The following ELOVL2 variants were observed in gnomAD, a reference collection of about 807,000 sequenced individuals.
ELOVL2 encodes very long chain fatty acid elongase 2.
ELOVL2 carries 38 observed loss-of-function variants against 37.7 expected under a neutral mutation model. The observed-to-expected ratio is 1.01, with a 90% CI of 0.78 to 1.32. ELOVL2 has a LOEUF of 1.32. Ranked by LOEUF, ELOVL2 falls within the 40% of genes most tolerant of loss-of-function variation. The probability of loss-of-function intolerance (pLI) is 0.00; values close to 1 mark genes in which losing one functional copy is unlikely to be tolerated. For synonymous variants in ELOVL2, 115 were observed against 122.3 expected, an observed-to-expected ratio of 0.94 and a Z score of 0.40; for missense variants, 352 against 363.6, an observed-to-expected ratio of 0.97 and a Z score of 0.26.
intron 7 of ELOVL2, among the ~76,000 whole-genome samples, chr6:10,984,214 C>T (rs1781998373): frequency 6.6e-6 from 1 of 152,112 alleles, no homozygotes. Context: ...GATGGGGTTT[C>T]ACCATGTTGC....
chr6:10,994,481 A>AG (rs1244064382), intron 5 of ELOVL2, among the ~76,000 whole-genome samples: 3 of 133,270 alleles, frequency 2.3e-5, no homozygotes, highest in African/African-American at 2.9e-5. Context: ...AAAAAAAAAA[A>AG]AAGAACAAAT....
intron 1 of ELOVL2, among the ~76,000 whole-genome samples, chr6:11,026,740 G>A (rs1782843413): frequency 6.6e-6 from 1 of 152,178 alleles, no homozygotes; most frequent in African/African-American, 2.4e-5. Flanking sequence ...TGCAGCATAT[G>A]GAATAGAATA....
intron 3 of ELOVL2, among the ~76,000 whole-genome samples, chr6:11,003,919 T>TAA (rs1182943453): frequency 7.1e-6 from 1 of 141,392 alleles, no homozygotes; most frequent in Non-Finnish European, 1.6e-5. Context: ...CCATCTCTAC[T>TAA]AAAAAAAAAA....
intron 3 of ELOVL2, among the ~76,000 whole-genome samples, chr6:11,000,693 TGATTA>T (rs1264983464): frequency 2.0e-5 from 3 of 152,230 alleles, no homozygotes; most frequent in African/African-American, 7.2e-5. Flanking sequence ...GGTGGTTAAT[TGATTA>T]ATGTCTGTCT....
At chr6:11,025,398 G>A (rs1235595670) in intron 1 of ELOVL2, among the ~76,000 whole-genome samples, 1 of 152,084 alleles carries the variant, frequency 6.6e-6, no homozygotes, top group African/African-American at 2.4e-5. Context: ...GAAATGAACT[G>A]GGCAGACAGA....
chr6:11,019,449 T>C (rs887620007), intron 1 of ELOVL2, among the ~76,000 whole-genome samples: 3 of 152,246 alleles, frequency 2.0e-5, no homozygotes, highest in African/African-American at 7.2e-5. Context: ...AATGCTTTCC[T>C]GTAAGAAAGA....
intron 7 of ELOVL2, among the ~76,000 whole-genome samples, chr6:10,984,710 A>G (rs1434927622): frequency 6.6e-6 from 1 of 151,046 alleles, no homozygotes; most frequent in Non-Finnish European, 1.5e-5. Context: ...TTATGGCTGC[A>G]TAGTATTCCA....
intron 1 of ELOVL2, among the ~76,000 whole-genome samples, chr6:11,025,695 T>C (rs1195699908): frequency 6.6e-6 from 1 of 152,190 alleles, no homozygotes; most frequent in Non-Finnish European, 1.5e-5. Flanking sequence ...AAAAAGTTTA[T>C]GGATCAATGT....
chr6:11,034,873 T>A (rs1782983973), intron 1 of ELOVL2, among the ~76,000 whole-genome samples: 1 of 147,540 alleles, frequency 6.8e-6, no homozygotes. Context: ...CGTGGTGGCA[T>A]GCGCCTGTAA....
At chr6:11,029,223 C>CAAAAAAAAAAAAA (rs376639413) in intron 1 of ELOVL2, among the ~76,000 whole-genome samples, 12 of 75,784 alleles carry the variant, frequency 1.6e-4, no homozygotes, top group African/African-American at 5.7e-4. Context: ...AGGGAGATCT[C>CAAAAAAAAAAAAA]AAAAAAAAAA....
chr6:11,038,589 T>A (rs1161060318), intron 1 of ELOVL2, among the ~76,000 whole-genome samples: 1 of 152,170 alleles, frequency 6.6e-6, no homozygotes, highest in Non-Finnish European at 1.5e-5. Context: ...CAGCAAGAAC[T>A]TAATGCTATA....
intron 1 of ELOVL2, among the ~76,000 whole-genome samples, chr6:11,031,328 T>C (rs1229150350): frequency 1.3e-5 from 2 of 152,252 alleles, no homozygotes; most frequent in Non-Finnish European, 2.9e-5. Context: ...GGGGAATACA[T>C]TTTTATTTGA....
chr6:11,000,227 A>T, intron 3 of ELOVL2, 63 bp from the exon 4 acceptor site: 2 of 1,456,108 alleles, frequency 1.4e-6, no homozygotes, highest in South Asian at 2.3e-5. Context: ...ATACAGACTG[A>T]ATTTCCCATT....
chr6:11,031,520 ACC>A (rs1782929749), intron 1 of ELOVL2, among the ~76,000 whole-genome samples: 1 of 152,182 alleles, frequency 6.6e-6, no homozygotes, highest in African/African-American at 2.4e-5. Flanking sequence ...CCATTAAATA[ACC>A]TTTACCCATG....
intron 5 of ELOVL2, among the ~76,000 whole-genome samples, chr6:10,992,522 G>A (rs77194607): frequency 0.058 from 8,826 of 152,296 alleles, 833 homozygotes; most frequent in African/African-American, 0.2. Context: ...CGGGCGTGGT[G>A]GCTCACGCCT....
chr6:10,999,591 G>C (rs1413978238), intron 4 of ELOVL2, among the ~76,000 whole-genome samples: 3 of 152,020 alleles, frequency 2.0e-5, no homozygotes, highest in South Asian at 4.2e-4. Flanking sequence ...GGCCAGGCTG[G>C]TCTCGAACTC....
intron 1 of ELOVL2, among the ~76,000 whole-genome samples, chr6:11,023,758 T>C (rs1418862047): frequency 6.6e-6 from 1 of 152,146 alleles, no homozygotes; most frequent in African/African-American, 2.4e-5. Context: ...TCCTCTTTTC[T>C]AGGAGGTAAA....
intron 7 of ELOVL2, among the ~76,000 whole-genome samples, chr6:10,987,763 A>G (rs1782077284): frequency 6.6e-6 from 1 of 152,250 alleles, no homozygotes; most frequent in African/African-American, 2.4e-5. Context: ...AAACTTTTAA[A>G]AATAATTCAA....
At chr6:11,034,016 C>T (rs1782973502) in intron 1 of ELOVL2, among the ~76,000 whole-genome samples, 1 of 152,064 alleles carries the variant, frequency 6.6e-6, no homozygotes, top group African/African-American at 2.4e-5. Context: ...CATGAGAATA[C>T]TGATATTCAA....
Sources: gnomAD v4.1 joint callset for allele counts (sites outside exome capture counted in the v4.1 genomes callset) on GRCh38, gnomAD v4.1.1 for gene constraint, MANE v1.5 for transcripts, NCBI Gene and HGNC (gene_info 2026-07-23, HGNC 2026-07-21) for gene names.